Variants in CCDC171 observed in about 807,000 individuals in gnomAD.
The protein encoded by CCDC171 is coiled-coil domain-containing protein 171.
In CCDC171, 177 loss-of-function variants were observed where a neutral mutation model predicts 168.2. The observed-to-expected ratio is 1.05, with a 90% CI of 0.93 to 1.19. The LOEUF (loss-of-function observed/expected upper bound fraction) is 1.19, where lower values mean the gene tolerates loss of function less well. Ranked by LOEUF, CCDC171 falls within the 50% of genes most tolerant of loss-of-function variation. The pLI is 0.00. For synonymous variants in CCDC171, 687 were observed against 540.8 expected, an observed-to-expected ratio of 1.27 and a Z score of -3.75; for missense variants, 1,991 against 1,539.0, an observed-to-expected ratio of 1.29 and a Z score of -4.91.
At chr9:15,928,216 G>A (rs1826100461) in intron 25 of CCDC171, among the ~76,000 whole-genome samples, 1 of 151,742 alleles carries the variant, frequency 6.6e-6, no homozygotes, top group South Asian at 2.1e-4. Context: ...AATTAAAAGA[G>A]GGCTGTTAAA....
At chr9:15,629,311 C>G (rs1307245192) in intron 7 of CCDC171, among the ~76,000 whole-genome samples, 2 of 152,070 alleles carry the variant, frequency 1.3e-5, no homozygotes, top group Non-Finnish European at 2.9e-5. Flanking sequence ...TATAGAATAA[C>G]CAATACAGAG....
At chr9:15,747,684 CAGAA>C (rs1200201774) in intron 18 of CCDC171, among the ~76,000 whole-genome samples, 1 of 152,176 alleles carries the variant, frequency 6.6e-6, no homozygotes, top group African/African-American at 2.4e-5. Context: ...AACTAACAGA[CAGAA>C]AGGAATAGCA....
intron 21 of CCDC171, among the ~76,000 whole-genome samples, chr9:15,807,417 G>A (rs1258036336): frequency 6.6e-6 from 1 of 152,140 alleles, no homozygotes; most frequent in Non-Finnish European, 1.5e-5. Context: ...GCAGTTATTT[G>A]TTGTTTAATT....
chr9:15,639,957 A>G (rs892895749), intron 7 of CCDC171, among the ~76,000 whole-genome samples: 2 of 152,178 alleles, frequency 1.3e-5, no homozygotes, highest in Non-Finnish European at 2.9e-5. Context: ...CTCCTAATGG[A>G]AATGCTTATA....
At chr9:15,661,457 A>G (rs2048319611) in intron 8 of CCDC171, among the ~76,000 whole-genome samples, 5 of 152,096 alleles carry the variant, frequency 3.3e-5, no homozygotes, top group Admixed American at 3.3e-4. Context: ...CCTATTTTTT[A>G]CTTATATGGT....
At chr9:15,735,606 G>C (rs985739030) in intron 16 of CCDC171, among the ~76,000 whole-genome samples, 4 of 152,116 alleles carry the variant, frequency 2.6e-5, no homozygotes, top group African/African-American at 9.7e-5. Context: ...CTTTTACTGT[G>C]GTATTGAGAG....
rs1412076505 is a variant in CCDC171 at position 15,744,497 on chromosome 9, G to A, written c.2274G>A (p.Gln758=). Residue 758 remains glutamine, a synonymous_variant, in exon 17 of 26, where the codon CAG becomes CAA. Transcript: ENST00000380701. The part of the protein sequence containing the change: ...LSTQRDFLQE[Q]VNTFELFKLE... ...CACAGAGAGATTTTCTCCAGGAGCA[G>A]GTCAACACCTTTGAGTTGTTCAAAC... 6.2e-7 allele frequency: 1 copy of A among 1,614,188 alleles called. No homozygotes were observed. The highest frequency in any genetic ancestry group is 8.5e-7 in the Non-Finnish European group (1 of 1,180,028).
intron 24 of CCDC171, among the ~76,000 whole-genome samples, chr9:15,902,281 T>TATATATATATAC (rs1554673437): frequency 6.9e-6 from 1 of 145,156 alleles, no homozygotes; most frequent in African/African-American, 2.6e-5. Context: ...TATATATATA[T>TATATATATATAC]ACACACACAC....
chr9:15,601,432 T>C (rs766237779), intron 6 of CCDC171, among the ~76,000 whole-genome samples: 1 of 152,200 alleles, frequency 6.6e-6, no homozygotes, highest in Admixed American at 6.5e-5. Flanking sequence ...ACCTCTTCTG[T>C]AGAATCTGGA....
rs1013703870 is a variant in CCDC171 at position 15,973,158 on chromosome 9, G to A, written c.*1322G>A. On this transcript the variant is annotated 3_prime_UTR_variant, in exon 26 of 26. Transcript: ENST00000380701. Reference sequence around the variant, plus strand: ...ATATTTGTAGTAAGAATTTGTTTTTGTATTAATCATTTAACTCCCTAGTGC... The same window carrying A: ...ATATTTGTAGTAAGAATTTGTTTTTATATTAATCATTTAACTCCCTAGTGC... 6.6e-6 allele frequency: 1 copy of A among 152,142 alleles called. No individual in the cohort carries two copies. Among genetic ancestry groups the A allele is most frequent in the African/African-American group, 2.4e-5 (1 of 41,444 alleles). 9.4% of individuals were successfully genotyped at this position (152,142 alleles called of 1,614,324 possible).
Position 15,794,129 on chromosome 9 carries a change from C to T in CCDC171, c.3267+9435C>T, listed in dbSNP as rs73418169. ...TGATATAGGTTTTTATTTGATAATC[C>T]TTGTTGGGTTAAGGAAGTTATCTTC... is the stretch of plus-strand genomic sequence containing the variant. On this transcript the variant is annotated intron_variant, in intron 21 of 25. Coordinates refer to ENST00000380701, the MANE Select transcript of CCDC171 (RefSeq NM_173550.4). 2.8e-3 allele frequency among the ~76,000 whole-genome samples: 427 copies of T among 151,732 alleles called. 1 individual carries two copies. Among genetic ancestry groups the T allele is most frequent in the African/African-American group, 9.8e-3 (405 of 41,360 alleles).
chr9:16,009,945 A>G (rs1373418519), intron 3 of CCDC171, among the ~76,000 whole-genome samples: 2 of 152,218 alleles, frequency 1.3e-5, no homozygotes, highest in Non-Finnish European at 2.9e-5. Flanking sequence ...GTTAAAAATA[A>G]ATAATGTTCT....
At chr9:15,796,213 C>G (rs899704257) in intron 21 of CCDC171, among the ~76,000 whole-genome samples, 1 of 151,776 alleles carries the variant, frequency 6.6e-6, no homozygotes, top group African/African-American at 2.4e-5. Flanking sequence ...AGATTATGAA[C>G]TCAGTGAACA....
At chr9:16,044,977 A>G (rs1274043306) in intron 1 of CCDC171, among the ~76,000 whole-genome samples, 1 of 152,166 alleles carries the variant, frequency 6.6e-6, no homozygotes, top group Non-Finnish European at 1.5e-5. Context: ...TGCTCTTTTT[A>G]GCGTTACCTA....
chr9:15,554,668 T>A (rs980984663), intron 1 of CCDC171, among the ~76,000 whole-genome samples: 2 of 152,138 alleles, frequency 1.3e-5, no homozygotes, highest in Admixed American at 1.3e-4. Context: ...AGAACCAAAC[T>A]TCCCCTTTAA....
intron 11 of CCDC171, among the ~76,000 whole-genome samples, chr9:15,705,669 A>T (rs1194043848): frequency 2.0e-5 from 3 of 152,120 alleles, no homozygotes; most frequent in Non-Finnish European, 4.4e-5. Flanking sequence ...TCTCCCTTGC[A>T]TGCTCTACTT....
At chr9:15,698,068 TCA>T (rs1247630722) in intron 11 of CCDC171, among the ~76,000 whole-genome samples, 3 of 46,036 alleles carry the variant, frequency 6.5e-5, no homozygotes, top group East Asian at 3.2e-4. Context: ...ACTGTAGAGT[TCA>T]ATACTGTGCT....
downstream of CCDC171, among the ~76,000 whole-genome samples, chr9:15,975,283 A>C (rs1831586163): frequency 6.6e-6 from 1 of 152,212 alleles, no homozygotes; most frequent in Admixed American, 6.5e-5. Flanking sequence ...CCTAGGAATT[A>C]GTAAGCCTAG....
chr9:15,595,473 T>C (rs2042278193), intron 6 of CCDC171, among the ~76,000 whole-genome samples: 2 of 152,230 alleles, frequency 1.3e-5, no homozygotes, highest in South Asian at 4.1e-4. Flanking sequence ...ACAGAGGACA[T>C]GAACTTATCC....
Sources: allele counts gnomAD v4.1 joint callset (sites outside exome capture counted in the v4.1 genomes callset), GRCh38; gene constraint gnomAD v4.1.1; transcripts MANE v1.5; gene names NCBI Gene and HGNC (gene_info 2026-07-23, HGNC 2026-07-21).